DAPK1: variants seen among roughly 807,000 people sequenced by gnomAD.
The protein encoded by DAPK1 is death-associated protein kinase 1.
DAPK1 carries 56 observed loss-of-function variants against 144.9 expected under a neutral mutation model. The ratio of observed to expected loss-of-function variants is 0.39; its 90% CI spans 0.31 to 0.48. The LOEUF is 0.48. Among genes scored for constraint, DAPK1 ranks in the 20% least tolerant of loss-of-function variants. The pLI is 0.95. For missense variants in DAPK1, 1,454 were observed against 1,875.4 expected (o/e 0.78, Z 4.15); for synonymous variants, 690 against 749.0 (o/e 0.92, Z 1.29).
chr9:87,579,680 C>T (rs1260232166), intron 2 of DAPK1, among the ~76,000 whole-genome samples: 1 of 152,104 alleles, frequency 6.6e-6, no homozygotes, highest in Non-Finnish European at 1.5e-5. Flanking sequence ...TACACATTCT[C>T]TTCTATTATT....
chr9:87,669,770 G>T lies in DAPK1; in HGVS notation c.2001+1096G>T, dbSNP rs541547307. ...CTGTGGTCTTGCCAGGGGCAGGGGG[G>T]GGCCACAGATTGGGATAATTTCTTT... On this transcript the variant is annotated intron_variant, in intron 19 of 25. Transcript: ENST00000408954. Among the ~76,000 whole-genome samples, 8 of 151,894 alleles carry T rather than the reference G, an allele frequency of 5.3e-5. No individual in the cohort carries two copies. The East Asian group carries it at 5.8e-4, about 11-fold the overall frequency.
At chr9:87,620,323 A>C (rs531753326) in intron 3 of DAPK1, among the ~76,000 whole-genome samples, 5 of 152,186 alleles carry the variant, frequency 3.3e-5, no homozygotes, top group African/African-American at 1.2e-4. Context: ...CCCCTTTTCC[A>C]TCGCTTCCTC....
At chr9:87,685,701 C>G (rs1824817677) in intron 20 of DAPK1, among the ~76,000 whole-genome samples, 1 of 152,208 alleles carries the variant, frequency 6.6e-6, no homozygotes, top group African/African-American at 2.4e-5. Flanking sequence ...AGCTCCCGTA[C>G]AACACCCACA....
chr9:87,505,630 C>T lies in DAPK1; in HGVS notation c.62+6491C>T, dbSNP rs952002423. The stretch of plus-strand genomic sequence containing the variant: ...CAGGCTGGTCTTGAACTCCTGACCT[C>T]GTGAGTCACCCTCCTCGGCCTCCCG... On this transcript the variant is annotated intron_variant, in intron 2 of 25. Coordinates refer to ENST00000408954, the MANE Select transcript of DAPK1 (RefSeq NM_004938.4). Among the ~76,000 whole-genome samples, 9 of 152,116 alleles carry T rather than the reference C, an allele frequency of 5.9e-5. No homozygotes were observed. In the East Asian group the frequency reaches 1.7e-3, roughly 30 times the overall value.
chr9:87,539,478 G>A (rs1243861031), intron 2 of DAPK1, among the ~76,000 whole-genome samples: 2 of 146,968 alleles, frequency 1.4e-5, no homozygotes, highest in African/African-American at 5.1e-5. Flanking sequence ...CACCCAGGCT[G>A]GAGTACAGTG....
At chr9:87,688,598 T>C (rs1209403108) in intron 21 of DAPK1, among the ~76,000 whole-genome samples, 6 of 152,072 alleles carry the variant, frequency 3.9e-5, no homozygotes, top group Non-Finnish European at 7.4e-5. Context: ...GCATCTCTTG[T>C]TTTTTTGTCT....
At chr9:87,638,770 T>C (rs574818696) in intron 4 of DAPK1, among the ~76,000 whole-genome samples, 4 of 152,348 alleles carry the variant, frequency 2.6e-5, no homozygotes, top group Non-Finnish European at 4.4e-5. Flanking sequence ...CCCATTCTTC[T>C]GTAGCAGAGC....
chr9:87,650,311 G>A (rs979501332), intron 16 of DAPK1, 193 bp downstream of exon 16: 4 of 574,880 alleles, frequency 7.0e-6, no homozygotes, highest in Non-Finnish European at 1.2e-5. Context: ...TTAATTTATG[G>A]CATATAACAA....
chr9:87,652,633 T>A (rs1306946758), intron 17 of DAPK1, among the ~76,000 whole-genome samples: 20 of 142,388 alleles, frequency 1.4e-4, no homozygotes, highest in African/African-American at 5.0e-4. Context: ...TCCTCCCACC[T>A]GATACCAGGT....
chr9:87,611,013 A>G (rs1477622418), intron 3 of DAPK1, among the ~76,000 whole-genome samples: 1 of 152,088 alleles, frequency 6.6e-6, no homozygotes, highest in Non-Finnish European at 1.5e-5. Context: ...ATGTGAGCAC[A>G]TACTTTATCT....
intron 2 of DAPK1, among the ~76,000 whole-genome samples, chr9:87,511,955 A>G (rs7871933): frequency 0.23 from 34,449 of 151,856 alleles, 4,292 homozygotes; most frequent in East Asian, 0.42. Flanking sequence ...TAGGTGATCC[A>G]CCCACCTCGG....
chr9:87,652,226 G>A lies in DAPK1; in HGVS notation c.1824+502G>A, dbSNP rs550267033. On this transcript the variant is annotated intron_variant, in intron 17 of 25. Transcript: ENST00000408954. ...CCCCGATCCCGGGTCCTGATTCTGT[G>A]TCCTCCCACCTGATCCCAGGTCCTG... Among the ~76,000 whole-genome samples, 1,056 of 126,712 alleles carry A rather than the reference G, an allele frequency of 8.3e-3. 21 individuals are homozygous for A. Among genetic ancestry groups the A allele is most frequent in the African/African-American group, 0.032 (944 of 29,158 alleles). The allele number at this position is 126,712 out of a possible 152,430, so 83.1% of individuals were successfully genotyped here. A position where few individuals can be genotyped will look rare whatever the true frequency, so the allele number is the denominator to read the frequency against.
At chr9:87,580,970 C>T (rs1010339149) in intron 2 of DAPK1, among the ~76,000 whole-genome samples, 12 of 152,194 alleles carry the variant, frequency 7.9e-5, no homozygotes, top group Non-Finnish European at 1.0e-4. Flanking sequence ...GTAAATTACA[C>T]GGAACTCCAT....
chr9:87,617,607 C>T (rs943124576), intron 3 of DAPK1, among the ~76,000 whole-genome samples: 18 of 152,302 alleles, frequency 1.2e-4, no homozygotes, highest in African/African-American at 4.3e-4. Context: ...AAGGGTGCTG[C>T]CAAAACTTTC....
At chr9:87,701,464 T>G (rs1825449586) in intron 24 of DAPK1, among the ~76,000 whole-genome samples, 1 of 152,200 alleles carries the variant, frequency 6.6e-6, no homozygotes, top group Non-Finnish European at 1.5e-5. Context: ...TTTTAAAATT[T>G]TTTTCTAGCA....
intron 2 of DAPK1, 152 bp downstream of exon 2, chr9:87,499,291 C>A (rs1342243933): frequency 1.4e-6 from 1 of 706,380 alleles, no homozygotes. Context: ...ACTAACCCAG[C>A]GGTAAACCGC....
intron 3 of DAPK1, among the ~76,000 whole-genome samples, chr9:87,629,589 G>A (rs1002606343): frequency 4.1e-4 from 63 of 151,998 alleles, no homozygotes; most frequent in African/African-American, 1.5e-3. Flanking sequence ...TGTTGCCCTG[G>A]GTGGTCTCAA....
rs569624153 is a variant in DAPK1 at position 87,703,646 on chromosome 9, G to A, written c.3060+429G>A. On this transcript the variant is annotated intron_variant, in intron 25 of 25. Transcript: ENST00000408954. ...AACAGTTGAGAAAAGGCAGTGAGGT[G>A]TCCTTGTGGAGGCAATGTCTGGAGA... Among the ~76,000 whole-genome samples the A allele has an allele frequency of 1.1e-4, 17 of 152,284 alleles. No individual in the cohort carries two copies. In the East Asian group the frequency reaches 3.1e-3, roughly 28 times the overall value.
At chr9:87,641,938 T>C in intron 9 of DAPK1, 31 bp from the exon 10 acceptor site, 5 of 1,569,924 alleles carry the variant, frequency 3.2e-6, no homozygotes, top group Non-Finnish European at 4.4e-6. Context: ...ATTTGAGAGC[T>C]TTAATTTTTT....
Sources: allele counts gnomAD v4.1 joint callset (sites outside exome capture counted in the v4.1 genomes callset), GRCh38; gene constraint gnomAD v4.1.1; transcripts MANE v1.5; gene names NCBI Gene and HGNC (gene_info 2026-07-23, HGNC 2026-07-21).